The following ZNF791 variants were observed in gnomAD, a reference collection of about 807,000 sequenced individuals.
ZNF791 encodes the protein zinc finger protein 791.
In ZNF791, 4 loss-of-function variants were observed where a neutral mutation model predicts 11.5. That is an observed-to-expected ratio of 0.35 (90% CI 0.17 to 0.80). The LOEUF (loss-of-function observed/expected upper bound fraction) is 0.80, where lower values mean the gene tolerates loss of function less well. Among genes scored for constraint, ZNF791 ranks in the 30% least tolerant of loss-of-function variants. ZNF791 has a pLI of 0.53. For missense variants in ZNF791, 559 were observed against 699.4 expected (o/e 0.80, Z 2.26); for synonymous variants, 212 against 228.1 (o/e 0.93, Z 0.64).
chr19:12,610,933 G>A lies in ZNF791; in HGVS notation c.-147G>A. The A allele has an allele frequency of 8.8e-7, 1 of 1,136,114 alleles. No individual in the cohort carries two copies. Among genetic ancestry groups the A allele is most frequent in the Non-Finnish European group, 1.3e-6 (1 of 759,672 alleles). The allele number at this position is 1,136,114 out of a possible 1,614,324, so 70.4% of individuals were successfully genotyped here. ...GCTACGCTGCGCAAATGCGTGCTAC[G>A]TCACTGTGCGATCGGGTTGTGCTTA... is the stretch of plus-strand genomic sequence containing the variant. On this transcript the variant is annotated 5_prime_UTR_variant, in exon 1 of 4. Transcript: ENST00000343325.
chr19:12,616,597 G>T (rs1261856456), intron 1 of ZNF791, among the ~76,000 whole-genome samples: 8 of 152,220 alleles, frequency 5.3e-5, no homozygotes, highest in Non-Finnish European at 1.0e-4. Context: ...GGAGGCTGAG[G>T]CATGAGAATC....
chr19:12,633,730 A>G lies in ZNF791; in HGVS notation c.*4470A>G, dbSNP rs1475063242. The G allele has an allele frequency of 6.6e-6, 1 of 151,402 alleles. No homozygotes were observed. Among genetic ancestry groups the G allele is most frequent in the Non-Finnish European group, 1.5e-5 (1 of 67,942 alleles). 9.4% of individuals were successfully genotyped at this position (151,402 alleles called of 1,614,324 possible). A position where few individuals can be genotyped will look rare whatever the true frequency, so the allele number is the denominator to read the frequency against. Reference sequence around the variant, plus strand: ...GGTTCTGTCTTCCCTTTGTGTTTCTATGAGCTTTAATTTGTATGGTTCTTG... The same window carrying G: ...GGTTCTGTCTTCCCTTTGTGTTTCTGTGAGCTTTAATTTGTATGGTTCTTG... On this transcript the variant is annotated 3_prime_UTR_variant, in exon 4 of 4. Coordinates refer to ENST00000343325, the MANE Select transcript of ZNF791 (RefSeq NM_153358.3).
At chr19:12,625,058 AAAG>A (rs2023406397) in intron 3 of ZNF791, among the ~76,000 whole-genome samples, 1 of 151,996 alleles carries the variant, frequency 6.6e-6, no homozygotes, top group African/African-American at 2.4e-5. Context: ...TCAAAAAAAA[AAAG>A]AAGTTGTGAC....
Position 12,632,997 on chromosome 19 carries a change from A to C in ZNF791, c.*3737A>C, listed in dbSNP as rs2023518138. On this transcript the variant is annotated 3_prime_UTR_variant, in exon 4 of 4. Transcript: ENST00000343325. ...GTAGTCCCAGCTACTCAGGAGTCTG[A>C]GGCAGGAGAATGGTGTGAACCCGGG... The C allele has an allele frequency of 6.6e-6, 1 of 151,994 alleles. No homozygotes were observed. The highest frequency in any genetic ancestry group is 2.4e-5 in the African/African-American group (1 of 41,380). 9.4% of individuals were successfully genotyped at this position (151,994 alleles called of 1,614,324 possible). A position where few individuals can be genotyped will look rare whatever the true frequency, so the allele number is the denominator to read the frequency against.
At chr19:12,621,718 GGGGGGTCAGCCCCCCTGCC>G (rs747034298) in intron 1 of ZNF791, among the ~76,000 whole-genome samples, 260 of 101,514 alleles carry the variant, frequency 2.6e-3, no homozygotes, top group Non-Finnish European at 4.6e-3. Context: ...CCACCTCGGT[GGGGGGTCAGCCCCCCTGCC>G]CGGCCAGCCG....
chr19:12,627,486 C>T (rs903479267), intron 3 of ZNF791, among the ~76,000 whole-genome samples: 4 of 149,540 alleles, frequency 2.7e-5, no homozygotes, highest in Admixed American at 1.3e-4. Context: ...ATTAGCTGGG[C>T]GTGGTGGCGC....
intron 1 of ZNF791, among the ~76,000 whole-genome samples, chr19:12,621,333 GT>G (rs1330751901): frequency 1.3e-5 from 2 of 152,118 alleles, no homozygotes; most frequent in Non-Finnish European, 2.9e-5. Flanking sequence ...GAAAGTCTAA[GT>G]TGTGAGGGCC....
chr19:12,624,585 A>C, intron 2 of ZNF791, 65 bp from the exon 3 acceptor site: 1 of 1,258,916 alleles, frequency 7.9e-7, no homozygotes, highest in Non-Finnish European at 1.1e-6. Flanking sequence ...TTGTGAACCT[A>C]TAATCTAATA....
At chr19:12,620,364 C>T (rs35672793) in intron 1 of ZNF791, among the ~76,000 whole-genome samples, 84,057 of 151,590 alleles carry the variant, frequency 0.55, 24,760 homozygotes, top group Non-Finnish European at 0.67. Context: ...TTTATAGAGA[C>T]AGGGTTTCAC....
chr19:12,625,267 C>T (rs1050908312), intron 3 of ZNF791, among the ~76,000 whole-genome samples: 6 of 150,606 alleles, frequency 4.0e-5, no homozygotes, highest in African/African-American at 9.7e-5. Flanking sequence ...ATTACAGGGA[C>T]GTGCCACCAC....
rs555419286 is a variant in ZNF791, at chr19:12,623,555, T to C, written c.4-145T>C. The C allele has an allele frequency of 3.1e-5, 31 of 1,008,422 alleles. 1 individual carries two copies. The East Asian group carries it at 7.5e-4, about 25-fold the overall frequency. 62.5% of individuals were successfully genotyped at this position (1,008,422 alleles called of 1,614,324 possible). The stretch of plus-strand genomic sequence containing the variant: ...GAAGATGTAGCTATAAGTTTATGTG[T>C]TCAATGTGCTGTTACATTTCTAACA... On this transcript the variant is annotated intron_variant, in intron 1 of 3. Transcript: ENST00000343325.
intron 1 of ZNF791, among the ~76,000 whole-genome samples, chr19:12,620,473 G>C (rs899697775): frequency 1.3e-5 from 2 of 151,866 alleles, no homozygotes; most frequent in African/African-American, 4.8e-5. Flanking sequence ...ATCACGCCTG[G>C]CCAAAATGTT....
Position 12,630,562 on chromosome 19 carries a change from T to G in ZNF791, c.*1302T>G, listed in dbSNP as rs2023491069. 6.6e-6 allele frequency: 1 copy of G among 152,250 alleles called. No individual in the cohort carries two copies. Among genetic ancestry groups the G allele is most frequent in the Non-Finnish European group, 1.5e-5 (1 of 68,048 alleles). The allele number at this position is 152,250 out of a possible 1,614,324, so 9.4% of individuals were successfully genotyped here. A position where few individuals can be genotyped will look rare whatever the true frequency, so the allele number is the denominator to read the frequency against. On this transcript the variant is annotated 3_prime_UTR_variant, in exon 4 of 4. Transcript: ENST00000343325. ...CTGTTTTAGAATGTATTCCTGTGTT[T>G]TTTTAACAGTAAGACAGTCTCAGGC...
intron 1 of ZNF791, among the ~76,000 whole-genome samples, chr19:12,615,162 T>C (rs1316772124): frequency 1.3e-5 from 2 of 150,742 alleles, no homozygotes; most frequent in Non-Finnish European, 1.5e-5. Flanking sequence ...ACTGCATGCA[T>C]GCACCACAAT....
In ZNF791 at chr19:12,633,796, C is replaced by T. The variant is rs2145201775; in HGVS notation, c.*4536C>T. ...TAGGGACTATGTATTCCTGATTCCA[C>T]CATGACAGCTACAGTAAAACAGTAA... On this transcript the variant is annotated 3_prime_UTR_variant, in exon 4 of 4. Transcript: ENST00000343325. The T allele has an allele frequency of 6.6e-6, 1 of 151,358 alleles. No homozygotes were observed. Among genetic ancestry groups the T allele is most frequent in the South Asian group, 2.1e-4 (1 of 4,808 alleles). 9.4% of individuals were successfully genotyped at this position (151,358 alleles called of 1,614,324 possible). A position where few individuals can be genotyped will look rare whatever the true frequency, so the allele number is the denominator to read the frequency against.
chr19:12,624,451 G>C (rs1251081769), intron 2 of ZNF791, among the ~76,000 whole-genome samples, 199 bp from the exon 3 acceptor site: 1 of 151,998 alleles, frequency 6.6e-6, no homozygotes, highest in African/African-American at 2.4e-5. Context: ...CCGCACCCCA[G>C]TGACATCATT....
chr19:12,631,276 T>C lies in ZNF791; in HGVS notation c.*2016T>C, dbSNP rs2023498691. 3.3e-5 allele frequency: 5 copies of C among 152,256 alleles called. No homozygotes were observed. In the South Asian group the frequency reaches 6.2e-4, roughly 19 times the overall value. 9.4% of individuals were successfully genotyped at this position (152,256 alleles called of 1,614,324 possible). A position where few individuals can be genotyped will look rare whatever the true frequency, so the allele number is the denominator to read the frequency against. On this transcript the variant is annotated 3_prime_UTR_variant, in exon 4 of 4. Coordinates refer to ENST00000343325, the MANE Select transcript of ZNF791 (RefSeq NM_153358.3). ...TGTACCATATAGTCTAGATGTGTTGTAGCTATACCATCTAGATTTGTGTAA... is the reference window on the plus strand; with the variant it reads ...TGTACCATATAGTCTAGATGTGTTGCAGCTATACCATCTAGATTTGTGTAA...
At chr19:12,616,109 A>G (rs753693506) in intron 1 of ZNF791, among the ~76,000 whole-genome samples, 1 of 152,142 alleles carries the variant, frequency 6.6e-6, no homozygotes, top group Non-Finnish European at 1.5e-5. Context: ...AGCATTTTGA[A>G]CTTTGTACGT....
In ZNF791 at chr19:12,623,700, G is replaced by A. The variant is rs1159956844; in HGVS notation, c.4G>A (p.Asp2Asn). The A allele has an allele frequency of 6.2e-7, 1 of 1,614,072 alleles. No homozygotes were observed. Among genetic ancestry groups the A allele is most frequent in the Non-Finnish European group, 8.5e-7 (1 of 1,180,014 alleles). MDSVAFEDVSVS... is the reference protein window; with the variant it reads MNSVAFEDVSVS... ...TCTCTACTTATATTGGATGTTTCAG[G>A]ACTCAGTGGCTTTTGAGGATGTGTC... Residue 2 changes from aspartate to asparagine, a missense_variant and splice_region_variant, in exon 2 of 4, where the codon GAC becomes AAC. By Grantham distance (23) the Asp-to-Asn change is conservative. Transcript: ENST00000343325.
Sources: allele counts gnomAD v4.1 joint callset (sites outside exome capture counted in the v4.1 genomes callset), GRCh38; gene constraint gnomAD v4.1.1; transcripts MANE v1.5; gene names NCBI Gene and HGNC (gene_info 2026-07-23, HGNC 2026-07-21).